Variants in TRANK1 observed in about 807,000 individuals in gnomAD.
TRANK1 encodes TPR and ankyrin repeat-containing protein 1.
Under a neutral mutation model 266.0 loss-of-function variants are expected in TRANK1, and 198 were observed. The observed-to-expected ratio is 0.74, with a 90% CI of 0.66 to 0.84. The LOEUF is 0.84. Ranked by LOEUF, TRANK1 falls within the 40% of genes least tolerant of loss-of-function variation. The probability of loss-of-function intolerance (pLI) is 0.00; values close to 1 mark genes in which losing one functional copy is unlikely to be tolerated. For missense variants in TRANK1, 3,326 were observed against 3,634.6 expected, an observed-to-expected ratio of 0.92 and a Z score of 2.18; for synonymous variants, 1,396 against 1,384.1, an observed-to-expected ratio of 1.01 and a Z score of -0.19.
chr3:36,850,484 A>G, intron 15 of TRANK1: 7 of 985,438 alleles, frequency 7.1e-6, no homozygotes, highest in Non-Finnish European at 8.4e-6. Flanking sequence ...CTTCTGCTTT[A>G]TCTACAGATA....
At chr3:36,845,576 A>C (rs765224900) in intron 17 of TRANK1, among the ~76,000 whole-genome samples, 1 of 152,258 alleles carries the variant, frequency 6.6e-6, no homozygotes, top group African/African-American at 2.4e-5. Context: ...TGATATGCAT[A>C]AAGTTTTTAT....
upstream of TRANK1, among the ~76,000 whole-genome samples, chr3:36,945,594 A>C (rs2080562187): frequency 6.6e-6 from 1 of 152,008 alleles, no homozygotes; most frequent in Non-Finnish European, 1.5e-5. Flanking sequence ...CAGGCAACAA[A>C]ATGAGGATCT....
At chr3:36,944,173 C>T (rs6776697) in intron 1 of TRANK1, among the ~76,000 whole-genome samples, 70,688 of 151,960 alleles carry the variant, frequency 0.47, 17,767 homozygotes, top group Non-Finnish European at 0.56. Context: ...GCTTCCCAGC[C>T]TTGGGTCCCT....
intron 1 of TRANK1, among the ~76,000 whole-genome samples, chr3:36,913,102 C>T (rs550055235): frequency 2.0e-5 from 3 of 151,592 alleles, no homozygotes; most frequent in African/African-American, 7.3e-5. Context: ...AGTGCAGTGG[C>T]GCAATCTTGG....
At chr3:36,873,535 C>T (rs922772246) in intron 9 of TRANK1, among the ~76,000 whole-genome samples, 9 of 152,178 alleles carry the variant, frequency 5.9e-5, no homozygotes, top group Non-Finnish European at 1.2e-4. Flanking sequence ...AATTATACTA[C>T]CATGCAAATG....
intron 9 of TRANK1, 145 bp from the exon 10 acceptor site, chr3:36,864,625 T>A: frequency 1.5e-6 from 1 of 679,858 alleles, no homozygotes. Context: ...AAGTGGAGCC[T>A]CTTTCCCCTC....
At position 36,847,419 on chromosome 3, in the gene TRANK1, A is replaced by G. The variant is rs930536547; in HGVS notation, c.4888-73T>C. ...TACGCATACAGCCTCCCTGAGCTTC[A>G]TGGAAAACTAAGCCTCATCGGGGGA... On this transcript the variant is annotated intron_variant, in intron 15 of 23. Transcript: ENST00000645898. 4 of 1,539,766 alleles carry G rather than the reference A, an allele frequency of 2.6e-6. No individual in the cohort carries two copies. In the African/African-American group the frequency reaches 5.5e-5, roughly 21 times the overall value.
At chr3:36,922,931 A>T (rs2080236034) in intron 1 of TRANK1, among the ~76,000 whole-genome samples, 1 of 152,184 alleles carries the variant, frequency 6.6e-6, no homozygotes, top group Admixed American at 6.5e-5. Flanking sequence ...GGCCGAGGGA[A>T]AGCAACAACA....
At position 36,881,173 on chromosome 3, in the gene TRANK1, C is replaced by A. The variant is rs2079526294; in HGVS notation, c.908-6877G>T. Among the ~76,000 whole-genome samples the A allele has an allele frequency of 2.0e-5, 3 of 151,846 alleles. No individual in the cohort carries two copies. The South Asian group carries it at 6.2e-4, about 32-fold the overall frequency. On this transcript the variant is annotated intron_variant, in intron 8 of 23. Coordinates refer to ENST00000645898, the MANE Select transcript of TRANK1 (RefSeq NM_001329998.2). Reference sequence around the variant, plus strand: ...ATTCTTTTAAAGTGTATTATTTGCCCGGGTGTGGTAGCTCACACCTGTAAT... The same window carrying A: ...ATTCTTTTAAAGTGTATTATTTGCCAGGGTGTGGTAGCTCACACCTGTAAT...
chr3:36,895,638 A>G lies in TRANK1; in HGVS notation c.552+2T>C. 1 of 1,518,274 alleles carries G rather than the reference A, an allele frequency of 6.6e-7. No homozygotes were observed. The highest frequency in any genetic ancestry group is 8.8e-7 in the Non-Finnish European group (1 of 1,133,596). 94.1% of individuals were successfully genotyped at this position (1,518,274 alleles called of 1,614,324 possible). A position where few individuals can be genotyped will look rare whatever the true frequency, so the allele number is the denominator to read the frequency against. On this transcript the variant is annotated splice_donor_variant, in intron 5 of 23. Coordinates refer to ENST00000645898, the MANE Select transcript of TRANK1 (RefSeq NM_001329998.2). LOFTEE classifies it high-confidence loss of function. ...CCGTGAGAGCCATCTCCTTTTACTT[A>G]CATGCCATAATCCTTTCTTTGCCAA...
Position 36,831,767 on chromosome 3 carries a change from G to C in TRANK1, c.7816C>G (p.Gln2606Glu), listed in dbSNP as rs369550592. 131 of 1,613,778 alleles carry C rather than the reference G, an allele frequency of 8.1e-5. No individual in the cohort carries two copies. The highest frequency in any genetic ancestry group is 1.0e-4 in the Non-Finnish European group (123 of 1,179,886). Reference sequence around the variant, plus strand: ...ACCTTCAGGAGCCTCTCGGGAACCTGGCCAGGGCAGTCCATGCTCATGAGC... The same window carrying C: ...ACCTTCAGGAGCCTCTCGGGAACCTCGCCAGGGCAGTCCATGCTCATGAGC... ...LQLMSMDCPG[Q>E]VPERLLKVVK... Residue 2606 changes from glutamine to glutamate, a missense_variant, in exon 22 of 24, where the codon CAG (glutamine) becomes GAG (glutamate). Coordinates refer to ENST00000645898, the MANE Select transcript of TRANK1 (RefSeq NM_001329998.2). The surrounding 1 kb of genome is among the most constrained non-coding windows in gnomAD (Gnocchi z 5.0).
chr3:36,933,519 A>C (rs960419577), intron 1 of TRANK1, among the ~76,000 whole-genome samples: 1 of 152,244 alleles, frequency 6.6e-6, no homozygotes, highest in Non-Finnish European at 1.5e-5. Flanking sequence ...CACAGCAGTG[A>C]GCACCAGAGG....
chr3:36,865,400 G>C (rs142194645), intron 9 of TRANK1, among the ~76,000 whole-genome samples: 1 of 152,242 alleles, frequency 6.6e-6, no homozygotes, highest in Non-Finnish European at 1.5e-5. Context: ...ACAATTCAGG[G>C]AGTGACAGCA....
At chr3:36,848,846 T>C (rs2078949064) in intron 15 of TRANK1, among the ~76,000 whole-genome samples, 1 of 152,162 alleles carries the variant, frequency 6.6e-6, no homozygotes. Context: ...AGGATCCTCC[T>C]GGCAGGTAGC....
At position 36,856,967 on chromosome 3, in the gene TRANK1, T is replaced by A. The variant is rs2079065088; in HGVS notation, c.2755A>T (p.Ile919Phe). 7 of 1,613,744 alleles carry A rather than the reference T, an allele frequency of 4.3e-6. No homozygotes were observed. Among genetic ancestry groups the A allele is most frequent in the Non-Finnish European group, 5.1e-6 (6 of 1,179,854 alleles). The change falls in exon 13 of 24, where the codon ATT (isoleucine) becomes TTT (phenylalanine). Residue 919 changes from isoleucine (I) to phenylalanine (F), a missense_variant. Ile to Phe is a conservative substitution (Grantham distance 21). Transcript: ENST00000645898. ...GCACACGTGTTCTGCTCCGTGGCAA[T>A]GATCTTCTCAGGGTTCTCACTGCAT... ...PRCSENPEKI[I>F]ATEQNTCAME... is the part of the protein sequence containing the mutation.
intron 1 of TRANK1, chr3:36,929,483 GA>G (rs2080332479): frequency 6.6e-6 from 1 of 152,158 alleles, no homozygotes; most frequent in Middle Eastern, 3.2e-3. Context: ...GAACAAAGTA[GA>G]ATATCCAGCA....
intron 8 of TRANK1, among the ~76,000 whole-genome samples, chr3:36,886,809 G>A (rs2079612791): frequency 6.6e-6 from 1 of 151,938 alleles, no homozygotes; most frequent in Non-Finnish European, 1.5e-5. Context: ...CTACTTGGGA[G>A]GCTGAGGTAG....
At position 36,851,811 on chromosome 3, in the gene TRANK1, CTTCTGGAATT is replaced by C; in HGVS notation, c.4785_4794del (p.Ile1596SerfsTer4). The C allele has an allele frequency of 6.2e-7, 1 of 1,609,214 alleles. No individual in the cohort carries two copies. The highest frequency in any genetic ancestry group is 8.5e-7 in the Non-Finnish European group (1 of 1,177,704). On this transcript the variant is annotated frameshift_variant, in exon 15 of 24. Transcript: ENST00000645898. LOFTEE classifies it high-confidence loss of function. ...GTTAGCACAAGTGCTAACCCCAGCTCTTCTGGAATTTTCTCCTTTGCCGTTTCATTGGCCA... is the reference window on the plus strand; with the variant it reads ...GTTAGCACAAGTGCTAACCCCAGCTCTTCTCCTTTGCCGTTTCATTGGCCA...
intron 9 of TRANK1, among the ~76,000 whole-genome samples, chr3:36,870,244 C>T (rs1450230580): frequency 6.6e-6 from 1 of 152,064 alleles, no homozygotes; most frequent in Non-Finnish European, 1.5e-5. Flanking sequence ...CCCATCTCTA[C>T]AAAAAATACA....
Sources: gnomAD v4.1 joint callset for allele counts (sites outside exome capture counted in the v4.1 genomes callset) on GRCh38, gnomAD v4.1.1 for gene constraint, Gnocchi (gnomAD v3.1) non-coding constraint, MANE v1.5 for transcripts, NCBI Gene and HGNC (gene_info 2026-07-23, HGNC 2026-07-21) for gene names.